PLEKHA7: variants seen among roughly 807,000 people sequenced by gnomAD.
PLEKHA7 encodes pleckstrin homology domain containing A7.
In PLEKHA7, 104 loss-of-function variants were observed where a neutral mutation model predicts 170.0. The ratio of observed to expected loss-of-function variants is 0.61; its 90% CI spans 0.52 to 0.72. The LOEUF (loss-of-function observed/expected upper bound fraction) is 0.72, where lower values mean the gene tolerates loss of function less well. Ranked by LOEUF, PLEKHA7 falls within the 30% of genes least tolerant of loss-of-function variation. The pLI, the probability that PLEKHA7 is intolerant of heterozygous loss-of-function variation, is 0.00. For synonymous variants in PLEKHA7, 648 were observed against 660.8 expected (o/e 0.98, Z 0.30); for missense variants, 1,615 against 1,671.7 (o/e 0.97, Z 0.59).
In PLEKHA7 at chr11:16,938,492, C is replaced by T. The variant is rs971965948; in HGVS notation, c.222-67310G>A. Reference sequence around the variant, plus strand: ...CTCAATATTCTAAGATAGGTGCCCCCCTCACTTTTTTTTTCAATTTTTCTC... The same window carrying T: ...CTCAATATTCTAAGATAGGTGCCCCTCTCACTTTTTTTTTCAATTTTTCTC... On this transcript the variant is annotated intron_variant, in intron 3 of 26. Coordinates refer to ENST00000531066, the MANE Select transcript of PLEKHA7 (RefSeq NM_001329630.2). Among the ~76,000 whole-genome samples, 3 of 151,936 alleles carry T rather than the reference C, an allele frequency of 2.0e-5. No homozygotes were observed. In the South Asian group the frequency reaches 6.2e-4, roughly 31 times the overall value.
intron 3 of PLEKHA7, chr11:16,881,214 T>A (rs556264520): frequency 6.6e-6 from 1 of 152,308 alleles, no homozygotes; most frequent in African/African-American, 2.4e-5. Context: ...GCAAACTGAA[T>A]CCCTATGAAA....
intron 3 of PLEKHA7, among the ~76,000 whole-genome samples, chr11:16,891,105 G>A (rs1856582458): frequency 1.0e-5 from 1 of 99,166 alleles, no homozygotes; most frequent in Admixed American, 1.1e-4. Context: ...TTTAGAGATG[G>A]GGTCTTGCTA....
chr11:16,950,749 T>C (rs1861356144), intron 3 of PLEKHA7, among the ~76,000 whole-genome samples: 1 of 152,222 alleles, frequency 6.6e-6, no homozygotes, highest in Non-Finnish European at 1.5e-5. Flanking sequence ...CTGCCCTGCA[T>C]GGAACAGCTT....
chr11:16,792,358 C>T (rs368300903), intron 19 of PLEKHA7, among the ~76,000 whole-genome samples: 35 of 152,032 alleles, frequency 2.3e-4, no homozygotes, highest in South Asian at 1.2e-3. Flanking sequence ...TTTAAAAAGA[C>T]ATTAAACTCA....
At chr11:16,869,588 G>A (rs1854667167) in intron 4 of PLEKHA7, among the ~76,000 whole-genome samples, 1 of 152,204 alleles carries the variant, frequency 6.6e-6, no homozygotes, top group African/African-American at 2.4e-5. Flanking sequence ...ACGTACTGTG[G>A]GATAATGATT....
chr11:16,970,581 C>T (rs202237517), intron 3 of PLEKHA7, among the ~76,000 whole-genome samples: 9 of 152,102 alleles, frequency 5.9e-5, no homozygotes, highest in East Asian at 5.8e-4. Context: ...GCAGGAAGAT[C>T]GCTTGAGCCC....
chr11:16,942,561 C>T (rs1461294240), intron 3 of PLEKHA7, among the ~76,000 whole-genome samples: 2 of 152,146 alleles, frequency 1.3e-5, no homozygotes, highest in East Asian at 3.9e-4. Context: ...GTGTGAGTTC[C>T]CAGCTGTGTC....
intron 3 of PLEKHA7, among the ~76,000 whole-genome samples, chr11:16,982,614 TG>T (rs1348700909): frequency 1.3e-5 from 2 of 152,138 alleles, no homozygotes; most frequent in African/African-American, 2.4e-5. Context: ...GTGAAACCCG[TG>T]GTACCGGAGC....
At chr11:16,984,153 A>G (rs1235223182) in intron 3 of PLEKHA7, among the ~76,000 whole-genome samples, 5 of 152,156 alleles carry the variant, frequency 3.3e-5, no homozygotes, top group Admixed American at 3.3e-4. Context: ...TGTGTTAAAC[A>G]TGCTACCTAC....
At chr11:16,843,749 C>A (rs1223222479) in intron 8 of PLEKHA7, among the ~76,000 whole-genome samples, 1 of 152,130 alleles carries the variant, frequency 6.6e-6, no homozygotes, top group Non-Finnish European at 1.5e-5. Flanking sequence ...CCAGCCTGGG[C>A]AACATGTTGA....
chr11:16,788,893 T>C, intron 23 of PLEKHA7: 1 of 653,378 alleles, frequency 1.5e-6, no homozygotes, highest in Non-Finnish European at 2.6e-6. Flanking sequence ...TGATCCTCAC[T>C]CCAGCTCTGG....
intron 3 of PLEKHA7, among the ~76,000 whole-genome samples, chr11:16,892,445 T>TGTGTG: frequency 6.9e-6 from 1 of 145,574 alleles, no homozygotes; most frequent in African/African-American, 2.5e-5. Flanking sequence ...TTTTGTTTTG[T>TGTGTG]TTTGTTTTGT....
At chr11:17,008,559 AG>A (rs1865149473) in intron 3 of PLEKHA7, among the ~76,000 whole-genome samples, 2 of 152,270 alleles carry the variant, frequency 1.3e-5, no homozygotes, top group African/African-American at 4.8e-5. Flanking sequence ...CTTCCCAGTA[AG>A]GAGTTTTCCA....
chr11:16,802,948 A>G, intron 15 of PLEKHA7, 24 bp downstream of exon 15: 1 of 1,587,126 alleles, frequency 6.3e-7, no homozygotes, highest in Non-Finnish European at 8.7e-7. Context: ...GCCCATTCCA[A>G]GATTATTCAA....
chr11:16,942,092 G>T (rs1438166060), intron 3 of PLEKHA7, among the ~76,000 whole-genome samples: 1 of 152,176 alleles, frequency 6.6e-6, no homozygotes, highest in African/African-American at 2.4e-5. Context: ...CTCACCACAG[G>T]TTCTATGAAG....
chr11:16,818,478 G>A (rs1297396503), intron 10 of PLEKHA7, among the ~76,000 whole-genome samples: 1 of 152,148 alleles, frequency 6.6e-6, no homozygotes, highest in Non-Finnish European at 1.5e-5. Context: ...TAGGATGCTG[G>A]CTCATGCCTT....
At chr11:16,862,090 C>T (rs1360666497) in intron 4 of PLEKHA7, among the ~76,000 whole-genome samples, 2 of 152,288 alleles carry the variant, frequency 1.3e-5, no homozygotes, top group South Asian at 2.1e-4. Flanking sequence ...CTGTCTGACA[C>T]GGGTTTTCAT....
intron 3 of PLEKHA7, among the ~76,000 whole-genome samples, chr11:16,952,625 T>C (rs1349531919): frequency 6.6e-6 from 1 of 152,252 alleles, no homozygotes; most frequent in Non-Finnish European, 1.5e-5. Flanking sequence ...GAGTGTCTTT[T>C]ACCTGAAATG....
intron 9 of PLEKHA7, 72 bp downstream of exon 9, chr11:16,841,475 C>G (rs1019224757): frequency 3.3e-6 from 5 of 1,505,204 alleles, no homozygotes; most frequent in Non-Finnish European, 4.5e-6. Flanking sequence ...TCTCAGGCAC[C>G]CAAGAGGACC....
Sources: allele counts gnomAD v4.1 joint callset (sites outside exome capture counted in the v4.1 genomes callset), GRCh38; gene constraint gnomAD v4.1.1; transcripts MANE v1.5; gene names NCBI Gene and HGNC (gene_info 2026-07-23, HGNC 2026-07-21).